Variants in PABPN1L observed in about 807,000 individuals in gnomAD.
The protein encoded by PABPN1L is embryonic polyadenylate-binding protein 2.
PABPN1L carries 45 observed loss-of-function variants against 34.0 expected under a neutral mutation model. The ratio of observed to expected loss-of-function variants is 1.32; its 90% CI spans 1.04 to 1.70. PABPN1L has a LOEUF of 1.70. Among genes scored for constraint, PABPN1L ranks in the 40% most tolerant of loss-of-function variants. The probability of loss-of-function intolerance (pLI) is 0.00; values close to 1 mark genes in which losing one functional copy is unlikely to be tolerated. For missense variants in PABPN1L, 459 were observed against 367.8 expected, an observed-to-expected ratio of 1.25 and a Z score of -2.03; for synonymous variants, 182 against 152.1, an observed-to-expected ratio of 1.20 and a Z score of -1.45.
At chr16:88,867,845 C>T (rs920094787), upstream of PABPN1L, among the ~76,000 whole-genome samples, 4 of 152,186 alleles carry the variant, frequency 2.6e-5, no homozygotes, top group East Asian at 1.9e-4. Context: ...GTGAAGGACT[C>T]GGGGCCAGGG....
At chr16:88,864,546 CCGT>C (rs1968537975) in intron 5 of PABPN1L, among the ~76,000 whole-genome samples, 167 bp from the exon 6 acceptor site, 3 of 145,612 alleles carry the variant, frequency 2.1e-5, no homozygotes, top group Non-Finnish European at 3.0e-5. Context: ...ATATGACACC[CCGT>C]CACGGCCAGC....
At chr16:88,867,830 A>C (rs1185745219), upstream of PABPN1L, among the ~76,000 whole-genome samples, 1 of 151,482 alleles carries the variant, frequency 6.6e-6, no homozygotes, top group African/African-American at 2.4e-5. Context: ...TCTCCCACCC[A>C]CTCTGTGAAG....
chr16:88,866,744 G>T, upstream of PABPN1L: 1 of 1,228,604 alleles, frequency 8.1e-7, no homozygotes, highest in Non-Finnish European at 1.1e-6. Context: ...TGCAAAGGCT[G>T]AGTGGGGCTG....
upstream of PABPN1L, among the ~76,000 whole-genome samples, chr16:88,867,143 G>A (rs1968621148): frequency 6.6e-6 from 1 of 152,106 alleles, no homozygotes; most frequent in Admixed American, 6.5e-5. Flanking sequence ...CAGAGGAGGG[G>A]CAGCAACAGC....
rs1336953642 is a variant in PABPN1L at position 88,865,713 on chromosome 16, G to A, written c.392-83C>T. On this transcript the variant is annotated intron_variant, in intron 2 of 6. Coordinates refer to ENST00000419291, the Ensembl canonical transcript of PABPN1L. ...GGGGAAGGTCGCCCAGGCTTATAGG[G>A]GAGGTGACACCTTGGAGCCTGCCAG... The A allele has an allele frequency of 5.1e-6, 8 of 1,553,884 alleles. No homozygotes were observed. In the Admixed American group the frequency reaches 7.4e-5, roughly 14 times the overall value.
At chr16:88,865,458 A>AC (rs1968568387) in intron 3 of PABPN1L, 105 bp downstream of exon 3, 1 of 1,410,608 alleles carries the variant, frequency 7.1e-7, no homozygotes, top group Non-Finnish European at 9.7e-7. Context: ...CCAGGGTCAG[A>AC]CCCCCTTCCC....
upstream of PABPN1L, among the ~76,000 whole-genome samples, chr16:88,868,325 G>A (rs1474981518): frequency 2.6e-5 from 4 of 151,906 alleles, no homozygotes; most frequent in South Asian, 2.1e-4. Flanking sequence ...TTTGGAGGCC[G>A]GGCATGGTGG....
chr16:88,864,524 AC>A (rs1331067590), intron 5 of PABPN1L, 145 bp from the exon 6 acceptor site: 1 of 1,242,162 alleles, frequency 8.1e-7, no homozygotes, highest in Non-Finnish European at 1.1e-6. Context: ...GCCTTTGCCT[AC>A]CATAGCTGTC....
exon 2 of PABPN1L, chr16:88,865,831 C>T (rs1035671224): frequency 6.2e-7 from 1 of 1,608,470 alleles, no homozygotes; most frequent in Non-Finnish European, 8.5e-7. Context: ...TCAGCAGCTG[C>T]CCGGCCGCGG....
chr16:88,864,612 C>T (rs1157332191), intron 5 of PABPN1L, among the ~76,000 whole-genome samples: 5 of 152,024 alleles, frequency 3.3e-5, no homozygotes, highest in African/African-American at 1.2e-4. Flanking sequence ...GGGGGGGTCA[C>T]GGCCAGCACC....
chr16:88,864,954 C>CTGGG lies in PABPN1L; in HGVS notation c.567-15_567-14insCCCA. On this transcript the variant is annotated splice_polypyrimidine_tract_variant and intron_variant, in intron 4 of 6. Coordinates refer to ENST00000419291, the Ensembl canonical transcript of PABPN1L. ...ATGTAGGCATAACTGAGGGGAGGGGCAGGGAGGGGAGGGGTGAGGCTGGGC... is the reference window on the plus strand; with the variant it reads ...ATGTAGGCATAACTGAGGGGAGGGGCTGGGAGGGAGGGGAGGGGTGAGGCTGGGC... 11 of 996,868 alleles carry CTGGG rather than the reference C, an allele frequency of 1.1e-5. No homozygotes were observed. Among genetic ancestry groups the CTGGG allele is most frequent in the East Asian group, 3.6e-5 (1 of 27,800 alleles). The allele number at this position is 996,868 out of a possible 1,614,324, so 61.8% of individuals were successfully genotyped here.
intron 5 of PABPN1L, 51 bp from the exon 6 acceptor site, chr16:88,864,430 G>T: frequency 6.6e-7 from 1 of 1,514,290 alleles, no homozygotes. Flanking sequence ...CCGAGACCCA[G>T]CTCACAGCCC....
At chr16:88,867,222 T>C (rs983658226), upstream of PABPN1L, among the ~76,000 whole-genome samples, 6 of 118,254 alleles carry the variant, frequency 5.1e-5, no homozygotes, top group African/African-American at 2.3e-4. Flanking sequence ...TTCTGGGCCT[T>C]TTTTTTTTTT....
At chr16:88,863,648 C>G in exon 7 of PABPN1L, 1 of 1,379,186 alleles carries the variant, frequency 7.3e-7, no homozygotes, top group Non-Finnish European at 1.0e-6. Flanking sequence ...ACACCCCTCT[C>G]CTCTGGCCTC....
At position 88,864,869 on chromosome 16, in the gene PABPN1L, C is replaced by T. The variant is rs201952440; in HGVS notation, c.638G>A (p.Arg213Gln). The change falls in exon 5 of 7, where the codon CGG becomes CAG. Residue 213 changes from arginine to glutamine, a missense_variant. Physicochemically the swap from Arg to Gln is conservative, Grantham distance 43 (BLOSUM62 1). Transcript: ENST00000419291. The stretch of plus-strand genomic sequence containing the variant: ...CCGGCGCACCTTGATGACCCGGCCC[C>T]GGAAGAGGCTCTGGTCCAGCTCCAC... 388 of 1,602,814 alleles carry T rather than the reference C, an allele frequency of 2.4e-4. 1 individual carries two copies. In the African/African-American group the frequency reaches 4.7e-3, roughly 19 times the overall value.
In PABPN1L at chr16:88,865,709, T is replaced by C. The variant is rs1371902851; in HGVS notation, c.392-79A>G. ...TCACGGGGAAGGTCGCCCAGGCTTATAGGGGAGGTGACACCTTGGAGCCTG... is the reference window on the plus strand; with the variant it reads ...TCACGGGGAAGGTCGCCCAGGCTTACAGGGGAGGTGACACCTTGGAGCCTG... On this transcript the variant is annotated intron_variant, in intron 2 of 6. Coordinates refer to ENST00000419291, the Ensembl canonical transcript of PABPN1L. The C allele has an allele frequency of 4.5e-6, 7 of 1,555,098 alleles. No individual in the cohort carries two copies. The African/African-American group carries it at 5.4e-5, about 12-fold the overall frequency.
At chr16:88,866,202 G>T (rs190544160) in intron 1 of PABPN1L, 150 bp downstream of exon 1, 5 of 1,331,200 alleles carry the variant, frequency 3.8e-6, no homozygotes, top group Non-Finnish European at 5.0e-6. Flanking sequence ...GGGGCGGGGG[G>T]TCTCCTTGCC....
At chr16:88,863,819 T>C in intron 6 of PABPN1L, 24 bp from the exon 7 acceptor site, 1 of 1,533,380 alleles carries the variant, frequency 6.5e-7, no homozygotes, top group Non-Finnish European at 8.7e-7. Context: ...GAACACACAC[T>C]GAGTGGCCTT....
exon 4 of PABPN1L, chr16:88,865,075 C>A: frequency 6.3e-7 from 1 of 1,595,096 alleles, no homozygotes; most frequent in Non-Finnish European, 8.5e-7. Context: ...GGTGGACCTC[C>A]CCACAGCGGC....
Sources: gnomAD v4.1 joint callset for allele counts (sites outside exome capture counted in the v4.1 genomes callset) on GRCh38, gnomAD v4.1.1 for gene constraint, MANE v1.5 for transcripts, NCBI Gene and HGNC (gene_info 2026-07-23, HGNC 2026-07-21) for gene names.